Variants in OTC observed in about 807,000 individuals in gnomAD.
The protein encoded by OTC is ornithine transcarbamylase, mitochondrial.
OTC carries 3 observed loss-of-function variants against 30.3 expected under a neutral mutation model. That is an observed-to-expected ratio of 0.10 (90% CI 0.05 to 0.26). OTC has a LOEUF of 0.26. OTC is among the 10% of genes least tolerant of loss of function. The pLI is 1.00. For synonymous variants in OTC, 111 were observed against 99.7 expected, an observed-to-expected ratio of 1.11 and a Z score of -0.67; for missense variants, 194 against 260.3, an observed-to-expected ratio of 0.75 and a Z score of 1.75.
At chrX:38,393,472 G>T (rs150796395) in intron 4 of OTC, among the ~76,000 whole-genome samples, 1,310 of 111,828 alleles carry the variant, frequency 0.012, 10 homozygotes, top group Middle Eastern at 0.065. Context: ...TACATTGCTG[G>T]ATTGTTGGGA....
chrX:38,418,157 AT>A (rs1193123226), intron 9 of OTC, among the ~76,000 whole-genome samples: 3 of 111,289 alleles, frequency 2.7e-5, no homozygotes, highest in Non-Finnish European at 5.7e-5. Flanking sequence ...CTTATCTTTC[AT>A]TTTTTTAAAA....
At chrX:38,344,774 A>G in the OTC span, among the ~76,000 whole-genome samples, 3 of 111,825 alleles carry the variant, frequency 2.7e-5, no homozygotes, top group Non-Finnish European at 5.6e-5. Context: ...CAGGAGACTG[A>G]AAAGACAAGC....
chrX:38,419,922 G>T (rs954393967), intron 9 of OTC, among the ~76,000 whole-genome samples: 3 of 110,757 alleles, frequency 2.7e-5, no homozygotes. Flanking sequence ...TAGACAGGGA[G>T]AATAGGTTTT....
chrX:38,415,069 T>G (rs150658396), intron 9 of OTC, among the ~76,000 whole-genome samples: 1,537 of 110,187 alleles, frequency 0.014, 22 homozygotes, highest in African/African-American at 0.048. Flanking sequence ...AAATTATTAT[T>G]ATTATTTTAT....
chrX:38,386,384 A>AT (rs765860392), intron 4 of OTC, among the ~76,000 whole-genome samples: 1,474 of 83,565 alleles, frequency 0.018, 16 homozygotes, highest in Non-Finnish European at 0.024. Flanking sequence ...AAAAAAAAAA[A>AT]AAATATATAT....
chrX:38,359,184 G>A lies in OTC; in HGVS notation c.77+6411G>A, dbSNP rs1354329922. Among the ~76,000 whole-genome samples, 5 of 111,307 alleles carry A rather than the reference G, an allele frequency of 4.5e-5. No individual in the cohort carries two copies. In the Admixed American group the frequency reaches 4.8e-4, roughly 11 times the overall value. On this transcript the variant is annotated intron_variant, in intron 1 of 9. Transcript: ENST00000039007. ...ATACTTGCCAGTTTTCCAGGTTTTGGCCCTTGACTCATAGTGCTGTGCTTA... is the reference window on the plus strand; with the variant it reads ...ATACTTGCCAGTTTTCCAGGTTTTGACCCTTGACTCATAGTGCTGTGCTTA...
At chrX:38,385,575 A>T (rs2068398364) in intron 4 of OTC, among the ~76,000 whole-genome samples, 1 of 111,722 alleles carries the variant, frequency 9.0e-6, no homozygotes, top group African/African-American at 3.3e-5. Flanking sequence ...CTGATGCATA[A>T]GCCTAAGGCA....
chrX:38,338,934 A>G, the OTC span, among the ~76,000 whole-genome samples: 1 of 112,047 alleles, frequency 8.9e-6, no homozygotes, highest in Admixed American at 9.5e-5. Flanking sequence ...TTCAAGATCC[A>G]AAGCCCCAGG....
intron 8 of OTC, among the ~76,000 whole-genome samples, chrX:38,410,376 T>A (rs2068537139): frequency 8.9e-6 from 1 of 111,871 alleles, no homozygotes; most frequent in Non-Finnish European, 1.9e-5. Context: ...AGATTAAAAA[T>A]GTATACTGCT....
At chrX:38,418,924 A>G (rs2068582331) in intron 9 of OTC, among the ~76,000 whole-genome samples, 1 of 111,849 alleles carries the variant, frequency 8.9e-6, no homozygotes, top group Admixed American at 9.5e-5. Flanking sequence ...AAGGACTAAG[A>G]CAGAGCTTTT....
intron 4 of OTC, among the ~76,000 whole-genome samples, chrX:38,384,145 G>A (rs923991478): frequency 8.9e-6 from 1 of 112,047 alleles, no homozygotes; most frequent in Non-Finnish European, 1.9e-5. Flanking sequence ...GAGAGCTGAA[G>A]AAATATAAAT....
intron 4 of OTC, among the ~76,000 whole-genome samples, chrX:38,387,978 G>A (rs2068412509): frequency 9.0e-6 from 1 of 111,716 alleles, no homozygotes; most frequent in Non-Finnish European, 1.9e-5. Flanking sequence ...TCTGGGAATG[G>A]TGGGAACCCT....
chrX:38,410,180 T>C (rs2068536065), intron 8 of OTC, among the ~76,000 whole-genome samples: 2 of 112,116 alleles, frequency 1.8e-5, no homozygotes, highest in African/African-American at 3.2e-5. Flanking sequence ...ACTTAAAATG[T>C]TTCCTATTGA....
intron 9 of OTC, among the ~76,000 whole-genome samples, chrX:38,420,543 T>A (rs1394743319): frequency 9.0e-6 from 1 of 111,045 alleles, no homozygotes; most frequent in Non-Finnish European, 1.9e-5. Context: ...ATAGAGATAA[T>A]ACTCTTTCAG....
chrX:38,394,516 A>T (rs952554055), intron 4 of OTC, among the ~76,000 whole-genome samples: 8 of 111,463 alleles, frequency 7.2e-5, no homozygotes, highest in African/African-American at 2.6e-4. Context: ...CCTAATCATC[A>T]GTCAAGTAAT....
At chrX:38,400,793 T>C (rs2068481549) in intron 4 of OTC, among the ~76,000 whole-genome samples, 1 of 112,803 alleles carries the variant, frequency 8.9e-6, no homozygotes, top group Non-Finnish European at 1.9e-5. Flanking sequence ...TGTCAGCCAA[T>C]GGCTCTCCTC....
chrX:38,378,094 C>T (rs1306510267), intron 3 of OTC, among the ~76,000 whole-genome samples: 1 of 106,645 alleles, frequency 9.4e-6, no homozygotes, highest in Non-Finnish European at 1.9e-5. Flanking sequence ...CCTTGGCCTC[C>T]CAAAGTGCTA....
At chrX:38,402,678 A>C (rs2068495537) in intron 5 of OTC, among the ~76,000 whole-genome samples, 1 of 112,112 alleles carries the variant, frequency 8.9e-6, no homozygotes, top group African/African-American at 3.2e-5. Flanking sequence ...AAAACATTAA[A>C]GATAGAGTTG....
At chrX:38,386,382 A>T (rs867765575) in intron 4 of OTC, among the ~76,000 whole-genome samples, 1,729 of 73,730 alleles carry the variant, frequency 0.023, 44 homozygotes, top group African/African-American at 0.07. Flanking sequence ...CAAAAAAAAA[A>T]AAAAATATAT....
Sources: allele counts gnomAD v4.1 joint callset (sites outside exome capture counted in the v4.1 genomes callset), GRCh38; gene constraint gnomAD v4.1.1; transcripts MANE v1.5; gene names NCBI Gene and HGNC (gene_info 2026-07-23, HGNC 2026-07-21).